EFCAB6: variants seen among roughly 807,000 people sequenced by gnomAD.
The protein encoded by EFCAB6 is EF-hand calcium-binding domain-containing protein 6.
EFCAB6 carries 156 observed loss-of-function variants against 169.8 expected under a neutral mutation model. The observed-to-expected ratio is 0.92, with a 90% CI of 0.81 to 1.05. The LOEUF (loss-of-function observed/expected upper bound fraction) is 1.05, where lower values mean the gene tolerates loss of function less well. Ranked by LOEUF, EFCAB6 falls within the 50% of genes least tolerant of loss-of-function variation. The pLI is 0.00. For synonymous variants in EFCAB6, 698 were observed against 676.4 expected, an observed-to-expected ratio of 1.03 and a Z score of -0.50; for missense variants, 1,800 against 1,829.1, an observed-to-expected ratio of 0.98 and a Z score of 0.29.
At chr22:43,756,467 A>C (rs992733132) in intron 5 of EFCAB6, among the ~76,000 whole-genome samples, 1 of 151,984 alleles carries the variant, frequency 6.6e-6, no homozygotes, top group Non-Finnish European at 1.5e-5. Context: ...TTTATTTTGC[A>C]TTATCTGTGT....
chr22:43,790,979 T>C (rs1376473864), intron 2 of EFCAB6, among the ~76,000 whole-genome samples: 1 of 152,152 alleles, frequency 6.6e-6, no homozygotes, highest in African/African-American at 2.4e-5. Context: ...AGAACAGGTT[T>C]ACAGAAGATC....
At chr22:43,790,534 C>T (rs2062244708) in intron 2 of EFCAB6, among the ~76,000 whole-genome samples, 1 of 152,098 alleles carries the variant, frequency 6.6e-6, no homozygotes, top group Non-Finnish European at 1.5e-5. Flanking sequence ...AGACATTAAG[C>T]AAAGATCTAA....
In EFCAB6 at chr22:43,795,058, G is replaced by A. The variant is rs576291786; in HGVS notation, c.-7-12733C>T. 2.5e-4 allele frequency among the ~76,000 whole-genome samples: 38 copies of A among 152,046 alleles called. No homozygotes were observed. The highest frequency in any genetic ancestry group is 3.4e-3 in the Middle Eastern group (1 of 294). On this transcript the variant is annotated intron_variant, in intron 2 of 31. Transcript: ENST00000262726. This position sits in a 1 kb window ranked among gnomAD's most constrained non-coding sequence, Gnocchi z 4.2. ...CCCTGTACAGCCCCTTGCCCTGCCC[G>A]AACCTCATCGTCACAGACAGTCTAC...
intron 4 of EFCAB6, among the ~76,000 whole-genome samples, chr22:43,772,573 G>A (rs1292869134): frequency 6.6e-6 from 1 of 151,654 alleles, no homozygotes; most frequent in African/African-American, 2.4e-5. Flanking sequence ...CCTGGGAGGC[G>A]GAGGTTGCGG....
intron 10 of EFCAB6, among the ~76,000 whole-genome samples, chr22:43,694,471 GA>G (rs1468610194): frequency 6.6e-6 from 1 of 151,990 alleles, no homozygotes; most frequent in Non-Finnish European, 1.5e-5. Context: ...CTGTTACTCT[GA>G]TCCCAAACTG....
At position 43,795,555 on chromosome 22, in the gene EFCAB6, G is replaced by A. The variant is rs1352762569; in HGVS notation, c.-7-13230C>T. ...GAGACCTCCTGGAACATCACTTTCTGGAGAGGCTTCTCTGACCACCCTGCA... is the reference window on the plus strand; with the variant it reads ...GAGACCTCCTGGAACATCACTTTCTAGAGAGGCTTCTCTGACCACCCTGCA... On this transcript the variant is annotated intron_variant, in intron 2 of 31. Coordinates refer to ENST00000262726, the MANE Select transcript of EFCAB6 (RefSeq NM_022785.4). The surrounding 1 kb of genome is among the most constrained non-coding windows in gnomAD (Gnocchi z 4.2). Among the ~76,000 whole-genome samples, 1 of 147,790 alleles carries A rather than the reference G, an allele frequency of 6.8e-6. No individual in the cohort carries two copies. The highest frequency in any genetic ancestry group is 1.5e-5 in the Non-Finnish European group (1 of 67,230).
chr22:43,647,623 G>C (rs958063127), intron 17 of EFCAB6, among the ~76,000 whole-genome samples: 1 of 152,230 alleles, frequency 6.6e-6, no homozygotes, highest in Non-Finnish European at 1.5e-5. Flanking sequence ...GGTCTTTTCA[G>C]TTGGAATCAA....
rs778433619 is a variant in EFCAB6 at position 43,600,118 on chromosome 22, C to G, written c.2827G>C (p.Glu943Gln). The G allele has an allele frequency of 6.2e-7, 1 of 1,614,186 alleles. No homozygotes were observed. The highest frequency in any genetic ancestry group is 1.3e-5 in the African/African-American group (1 of 75,040). Residue 943 changes from glutamate (E) to glutamine (Q), a missense_variant, in exon 23 of 32, where the codon GAA becomes CAA. Transcript: ENST00000262726. ...CTCTGCTGCAGCTCCTTCATCTCTT[C>G]CTGTAGCTGCTGTGGCTTTGTAAAA... ...GHFTKPQQLQ[E>Q]EMKELQQSTE...
rs1326885431 is a variant in EFCAB6 at position 43,773,092 on chromosome 22, C to G, written c.151G>C (p.Ala51Pro). The G allele has an allele frequency of 2.5e-6, 4 of 1,614,026 alleles. No homozygotes were observed. The highest frequency in any genetic ancestry group is 1.3e-5 in the African/African-American group (1 of 74,910). ...TCTAAGGAGGACAGTGTTGGATTTGCAACAGCTGTGGCTATAAAAGAGATA... is the reference window on the plus strand; with the variant it reads ...TCTAAGGAGGACAGTGTTGGATTTGGAACAGCTGTGGCTATAAAAGAGATA... ...KFRSSSTTAV[A>P]NPTLSSLDVK... Residue 51 changes from alanine to proline, a missense_variant, in exon 4 of 32, where the codon GCA becomes CCA. Physicochemically the swap from Ala to Pro is conservative, Grantham distance 27. Coordinates refer to ENST00000262726, the MANE Select transcript of EFCAB6 (RefSeq NM_022785.4).
chr22:43,616,634 C>T (rs2053706013), intron 20 of EFCAB6, among the ~76,000 whole-genome samples: 1 of 152,072 alleles, frequency 6.6e-6, no homozygotes, highest in African/African-American at 2.4e-5. Context: ...CATTGCACTC[C>T]AGCCTGGGGG....
Position 43,725,061 on chromosome 22 carries a change from G to GC in EFCAB6, c.757+6637dup, listed in dbSNP as rs911418128. On this transcript the variant is annotated intron_variant, in intron 8 of 31. Coordinates refer to ENST00000262726, the MANE Select transcript of EFCAB6 (RefSeq NM_022785.4). ...GGACTGCAGCTGGCTGGCTTCTGAG[G>GC]CCCTCATGCTCTGTTGTAACATGGA... Among the ~76,000 whole-genome samples the GC allele has an allele frequency of 1.1e-3, 160 of 152,020 alleles. 1 individual carries two copies. Among genetic ancestry groups the GC allele is most frequent in the African/African-American group, 3.1e-3 (129 of 41,474 alleles).
chr22:43,707,924 T>C (rs1427611022), intron 10 of EFCAB6, among the ~76,000 whole-genome samples: 1 of 151,788 alleles, frequency 6.6e-6, no homozygotes, highest in Non-Finnish European at 1.5e-5. Flanking sequence ...AATGACAAAA[T>C]GGAAGGTGAA....
chr22:43,690,008 G>A (rs1044603339), intron 10 of EFCAB6, among the ~76,000 whole-genome samples: 9 of 152,156 alleles, frequency 5.9e-5, no homozygotes, highest in Admixed American at 5.2e-4. Flanking sequence ...TTAAGTAGCT[G>A]TAAGATGACA....
At chr22:43,805,593 C>CA (rs1396464813) in intron 2 of EFCAB6, among the ~76,000 whole-genome samples, 1 of 151,970 alleles carries the variant, frequency 6.6e-6, no homozygotes, top group African/African-American at 2.4e-5. Context: ...TTAATGGGTA[C>CA]AAATATATGG....
chr22:43,553,074 C>T (rs1193339294), intron 27 of EFCAB6: 1 of 152,200 alleles, frequency 6.6e-6, no homozygotes, highest in African/African-American at 2.4e-5. Flanking sequence ...GTCTTTACGG[C>T]ATGCATTCTT....
At chr22:43,627,406 T>C (rs748864528) in intron 19 of EFCAB6, among the ~76,000 whole-genome samples, 11 of 152,242 alleles carry the variant, frequency 7.2e-5, no homozygotes, top group Non-Finnish European at 1.2e-4. Context: ...GATAACCTTG[T>C]GATGCTTCTG....
At chr22:43,743,190 T>C (rs1475393119) in intron 6 of EFCAB6, among the ~76,000 whole-genome samples, 1 of 152,172 alleles carries the variant, frequency 6.6e-6, no homozygotes, top group Non-Finnish European at 1.5e-5. Context: ...GAATTATAAA[T>C]GTTACTAGAA....
chr22:43,729,157 C>T (rs5764253), intron 8 of EFCAB6, among the ~76,000 whole-genome samples: 133,824 of 152,216 alleles, frequency 0.88, 58,870 homozygotes, highest in East Asian at 0.99. Context: ...GAGCAAGAAC[C>T]CACTCATTAC....
At chr22:43,740,880 A>G (rs1228920735) in intron 6 of EFCAB6, among the ~76,000 whole-genome samples, 1 of 152,196 alleles carries the variant, frequency 6.6e-6, no homozygotes, top group Non-Finnish European at 1.5e-5. Context: ...AATGGAGGAC[A>G]TGAGCACGAT....
Sources: allele counts gnomAD v4.1 joint callset (sites outside exome capture counted in the v4.1 genomes callset), GRCh38; gene constraint gnomAD v4.1.1; non-coding constraint Gnocchi (gnomAD v3.1); transcripts MANE v1.5; gene names NCBI Gene and HGNC (gene_info 2026-07-23, HGNC 2026-07-21).